CHRNA1: variants seen among roughly 807,000 people sequenced by gnomAD.
The protein encoded by CHRNA1 is acetylcholine receptor subunit alpha.
Under a neutral mutation model 47.1 loss-of-function variants are expected in CHRNA1, and 35 were observed. The ratio of observed to expected loss-of-function variants is 0.74; its 90% CI spans 0.57 to 0.99. CHRNA1 has a LOEUF of 0.99. CHRNA1 is among the 50% of genes least tolerant of loss of function. The probability of loss-of-function intolerance (pLI) is 0.00; values close to 1 mark genes in which losing one functional copy is unlikely to be tolerated. For synonymous variants in CHRNA1, 229 were observed against 223.6 expected (o/e 1.02, Z -0.22); for missense variants, 506 against 591.1 (o/e 0.86, Z 1.49).
chr2:174,750,612 A>G (rs34343009), intron 6 of CHRNA1, among the ~76,000 whole-genome samples: 13,437 of 152,204 alleles, frequency 0.088, 743 homozygotes, highest in South Asian at 0.21. Context: ...CTGAAACCCA[A>G]GGGTAAGAGG....
rs1684050172 is a variant in CHRNA1, at chr2:174,759,494, G to C, written c.183C>G (p.Ile61Met). ...CCCAGTGCTCTTGTCTCACCACATT[G>C]ATGAGCTGTATCAGCTGCAGGCCCA... Reference protein sequence around the residue: ...VTVGLQLIQLINVDEVNQIVT... With the variant: ...VTVGLQLIQLMNVDEVNQIVT... Residue 61 changes from isoleucine to methionine, a missense_variant, in exon 2 of 9, where the codon ATC becomes ATG. Transcript: ENST00000348749. The C allele has an allele frequency of 5.6e-6, 9 of 1,614,164 alleles. No individual in the cohort carries two copies. The highest frequency in any genetic ancestry group is 6.8e-6 in the Non-Finnish European group (8 of 1,180,010).
At chr2:174,755,032 C>G (rs1683953265) in intron 4 of CHRNA1, among the ~76,000 whole-genome samples, 1 of 151,932 alleles carries the variant, frequency 6.6e-6, no homozygotes, top group African/African-American at 2.4e-5. Context: ...ATTACAGGCA[C>G]CCACCAAACA....
In CHRNA1 at chr2:174,761,345, A is replaced by G. The variant is rs573744859; in HGVS notation, c.44-1712T>C. 1.7e-4 allele frequency among the ~76,000 whole-genome samples: 26 copies of G among 152,234 alleles called. 1 individual carries two copies. The South Asian group carries it at 5.4e-3, about 32-fold the overall frequency. ...GCTGAGGCTGCAGTGCAGTAGCTCAATTACAGCTCACTGCAGCCTTGACCT... is the reference window on the plus strand; with the variant it reads ...GCTGAGGCTGCAGTGCAGTAGCTCAGTTACAGCTCACTGCAGCCTTGACCT... On this transcript the variant is annotated intron_variant, in intron 1 of 8. Transcript: ENST00000348749.
Position 174,748,552 on chromosome 2 carries a change from G to A in CHRNA1, c.1242+28C>T, listed in dbSNP as rs765725282. On this transcript the variant is annotated intron_variant, in intron 8 of 8. Transcript: ENST00000348749. ...ATACATTTGACCATTTAAACCCAGAGGCATGAATTTCAAGCCACGAAGCTT... is the reference window on the plus strand; with the variant it reads ...ATACATTTGACCATTTAAACCCAGAAGCATGAATTTCAAGCCACGAAGCTT... The A allele has an allele frequency of 1.9e-6, 3 of 1,608,210 alleles. No homozygotes were observed. The South Asian group carries it at 3.3e-5, about 18-fold the overall frequency.
intron 7 of CHRNA1, 149 bp downstream of exon 7, chr2:174,749,797 A>C: frequency 2.8e-6 from 2 of 706,018 alleles, no homozygotes; most frequent in Non-Finnish European, 5.0e-6. Flanking sequence ...AAAGAGGCCA[A>C]AGAAAGTTCC....
At chr2:174,752,092 G>C (rs536507050) in intron 6 of CHRNA1, among the ~76,000 whole-genome samples, 1 of 151,986 alleles carries the variant, frequency 6.6e-6, no homozygotes, top group African/African-American at 2.4e-5. Flanking sequence ...GGCCTGGTGC[G>C]GTGGATCATG....
chr2:174,752,122 G>A (rs75600105), intron 6 of CHRNA1, among the ~76,000 whole-genome samples: 4,909 of 152,054 alleles, frequency 0.032, 268 homozygotes, highest in African/African-American at 0.11. Flanking sequence ...CTAACACCCC[G>A]GGAGGCCAAG....
chr2:174,754,301 G>A lies in CHRNA1; in HGVS notation c.458C>T (p.Thr153Ile), dbSNP rs374915730. The change falls in exon 5 of 9, where the codon ACC becomes ATC. Residue 153 changes from threonine (T) to isoleucine (I), a missense_variant. Transcript: ENST00000348749. ...IFKSYCEIIVTHFPFDEQNCS... is the reference protein window; with the variant it reads ...IFKSYCEIIVIHFPFDEQNCS... The stretch of plus-strand genomic sequence containing the variant: ...GTTCTGTTCATCAAAGGGAAAGTGG[G>A]TGACGATGATCTCACAGTAGCTTTT... 4 of 1,614,226 alleles carry A rather than the reference G, an allele frequency of 2.5e-6. No homozygotes were observed. The highest frequency in any genetic ancestry group is 1.1e-5 in the South Asian group (1 of 91,078).
chr2:174,762,705 C>T (rs1004553439), intron 1 of CHRNA1, among the ~76,000 whole-genome samples: 1 of 152,168 alleles, frequency 6.6e-6, no homozygotes, highest in African/African-American at 2.4e-5. Flanking sequence ...ATAAATAGAA[C>T]AGAGATCACG....
In CHRNA1 at chr2:174,764,356, G is replaced by T. The variant is rs762428267; in HGVS notation, c.39C>A (p.Cys13Ter). 1 of 1,613,424 alleles carries T rather than the reference G, an allele frequency of 6.2e-7. No individual in the cohort carries two copies. Among genetic ancestry groups the T allele is most frequent in the Admixed American group, 1.7e-5 (1 of 59,976 alleles). ...ACCCCTGACCCCAGCACTTACCTGA[G>T]CAAAGGCTAAAGAGCAGGAGGAGAG... The part of the protein sequence containing the change: ...PWPLLLLFSL[C>*]SAGLVLGSEH... Residue 13 changes from cysteine to a stop codon, truncating the protein, a stop_gained, in exon 1 of 9, where the codon TGC (cysteine) becomes TGA (stop). Transcript: ENST00000348749. LOFTEE classifies it high-confidence loss of function.
At position 174,750,137 on chromosome 2, in the gene CHRNA1, G is replaced by A; in HGVS notation, c.811C>T (p.Leu271=). ...EKMTLSISVL[L]SLTVFLLVIV... ...ACCAGAAGGAACACAGTCAAAGACA[G>A]TAAGACAGAGATGCTCAGAGTCATC... The change falls in exon 7 of 9, where the codon CTG becomes TTG. Residue 271 remains leucine, a synonymous_variant. Coordinates refer to ENST00000348749, the MANE Select transcript of CHRNA1 (RefSeq NM_000079.4). 1 of 1,610,500 alleles carries A rather than the reference G, an allele frequency of 6.2e-7. No individual in the cohort carries two copies. Among genetic ancestry groups the A allele is most frequent in the Middle Eastern group, 1.7e-4 (1 of 6,052 alleles).
At chr2:174,753,415 G>T in intron 6 of CHRNA1, 88 bp downstream of exon 6, 1 of 1,294,734 alleles carries the variant, frequency 7.7e-7, no homozygotes, top group Non-Finnish European at 1.1e-6. Context: ...CTGCCTGTTT[G>T]TTAGCACATG....
intron 8 of CHRNA1, 57 bp from the exon 9 acceptor site, chr2:174,748,312 A>G (rs1683775405): frequency 6.2e-7 from 1 of 1,611,112 alleles, no homozygotes; most frequent in East Asian, 2.2e-5. Flanking sequence ...TGGACTCACA[A>G]CGTTTGTGCT....
At chr2:174,761,100 A>G (rs1172980574) in intron 1 of CHRNA1, among the ~76,000 whole-genome samples, 1 of 152,186 alleles carries the variant, frequency 6.6e-6, no homozygotes, top group South Asian at 2.1e-4. Flanking sequence ...AATTCTTGGT[A>G]CTAACAGTGT....
chr2:174,749,298 A>C (rs1683799885), intron 7 of CHRNA1, among the ~76,000 whole-genome samples: 1 of 152,108 alleles, frequency 6.6e-6, no homozygotes, highest in Non-Finnish European at 1.5e-5. Context: ...CTTTACAGAA[A>C]CAGGGACTCT....
intron 1 of CHRNA1, 31 bp downstream of exon 1, chr2:174,764,321 C>A: frequency 1.2e-6 from 2 of 1,608,106 alleles, no homozygotes. Context: ...CAAAGGAGAG[C>A]CCTCTCCCCA....
chr2:174,758,642 GA>G (rs35420582), intron 3 of CHRNA1, among the ~76,000 whole-genome samples: 49,999 of 151,946 alleles, frequency 0.33, 10,043 homozygotes, highest in East Asian at 0.72. Context: ...AGCATTTTGG[GA>G]AAGGAGTACT....
In CHRNA1 at chr2:174,747,858, C is replaced by T; in HGVS notation, c.*266G>A. On this transcript the variant is annotated 3_prime_UTR_variant, in exon 9 of 9. Coordinates refer to ENST00000348749, the MANE Select transcript of CHRNA1 (RefSeq NM_000079.4). ...ATCCTGGCAAAAACTCTTCCAGACACTGGAAATGAACACTTTTTTTAGTGA... is the reference window on the plus strand; with the variant it reads ...ATCCTGGCAAAAACTCTTCCAGACATTGGAAATGAACACTTTTTTTAGTGA... The T allele has an allele frequency of 2.3e-6, 1 of 427,382 alleles. No homozygotes were observed. Among genetic ancestry groups the T allele is most frequent in the East Asian group, 5.1e-5 (1 of 19,618 alleles). The allele number at this position is 427,382 out of a possible 1,614,324, so 26.5% of individuals were successfully genotyped here.
intron 1 of CHRNA1, among the ~76,000 whole-genome samples, chr2:174,760,121 T>C (rs1684074748): frequency 6.6e-6 from 1 of 151,958 alleles, no homozygotes; most frequent in Non-Finnish European, 1.5e-5. Flanking sequence ...ATAACAAGGG[T>C]TGGGGAGGTT....
Sources: allele counts gnomAD v4.1 joint callset (sites outside exome capture counted in the v4.1 genomes callset), GRCh38; gene constraint gnomAD v4.1.1; transcripts MANE v1.5; gene names NCBI Gene and HGNC (gene_info 2026-07-23, HGNC 2026-07-21).